The following SUFU variants were observed in gnomAD, a reference collection of about 807,000 sequenced individuals.
SUFU encodes the protein suppressor of fused homolog.
SUFU carries 7 observed loss-of-function variants against 58.9 expected under a neutral mutation model. That is an observed-to-expected ratio of 0.12 (90% confidence interval 0.07 to 0.22). The LOEUF (loss-of-function observed/expected upper bound fraction) is 0.22, where lower values mean the gene tolerates loss of function less well. Among genes scored for constraint, SUFU ranks in the 10% least tolerant of loss-of-function variants. The pLI, the probability that SUFU is intolerant of heterozygous loss-of-function variation, is 1.00. For synonymous variants in SUFU, 232 were observed against 254.8 expected, an observed-to-expected ratio of 0.91 and a Z score of 0.85; for missense variants, 451 against 641.3, an observed-to-expected ratio of 0.70 and a Z score of 3.20.
chr10:102,620,637 T>C (rs1206281911), intron 10 of SUFU, among the ~76,000 whole-genome samples: 1 of 152,196 alleles, frequency 6.6e-6, no homozygotes, highest in Non-Finnish European at 1.5e-5. Flanking sequence ...CTGTAAAGCT[T>C]ATCAGCCAAT....
intron 2 of SUFU, among the ~76,000 whole-genome samples, chr10:102,526,421 T>C (rs1344069943): frequency 6.6e-6 from 1 of 150,602 alleles, no homozygotes; most frequent in Non-Finnish European, 1.5e-5. Flanking sequence ...GGCATGGTGG[T>C]GCGTGCCTGT....
chr10:102,510,891 C>A (rs1326049348), intron 2 of SUFU, among the ~76,000 whole-genome samples: 5 of 151,928 alleles, frequency 3.3e-5, no homozygotes, highest in Non-Finnish European at 7.4e-5. Flanking sequence ...GAGGTCGAGG[C>A]AGGCGGATCA....
intron 3 of SUFU, among the ~76,000 whole-genome samples, chr10:102,574,313 AAGAC>A (rs1256176654): frequency 7.2e-5 from 11 of 152,248 alleles, no homozygotes; most frequent in South Asian, 2.1e-4. Flanking sequence ...TATATACACA[AAGAC>A]AGAAAAAACT....
At chr10:102,506,034 T>C (rs1258610490) in intron 1 of SUFU, among the ~76,000 whole-genome samples, 2 of 128,520 alleles carry the variant, frequency 1.6e-5, no homozygotes, top group Non-Finnish European at 3.2e-5. Context: ...CTAACTCTGT[T>C]ATTTGAAAAA....
At position 102,565,615 on chromosome 10, in the gene SUFU, G is replaced by T. The variant is rs1039842129; in HGVS notation, c.454+15509G>T. Among the ~76,000 whole-genome samples, 6 of 152,192 alleles carry T rather than the reference G, an allele frequency of 3.9e-5. No individual in the cohort carries two copies. The East Asian group carries it at 9.6e-4, about 24-fold the overall frequency. ...GCTGGAGTGCAGTGGCGCGATCTCG[G>T]CTCACTGCAAGCTCCGCCTTCCAGG... is the stretch of plus-strand genomic sequence containing the variant. On this transcript the variant is annotated intron_variant, in intron 3 of 11. Transcript: ENST00000369902.
Position 102,599,498 on chromosome 10 carries a change from C to T in SUFU, c.976C>T (p.Pro326Ser). Residue 326 changes from proline (P) to serine (S), a missense_variant, in exon 8 of 12, where the codon CCA becomes TCA. Physicochemically the swap from Pro to Ser is moderately conservative, Grantham distance 74. Coordinates refer to ENST00000369902, the MANE Select transcript of SUFU (RefSeq NM_016169.4). ...LEINSKPVLP[P>S]INPQRQNGLA... ...GATCAACAGCAAACCTGTCCTTCCACCAATCAACCCTCAGCGGCAGAATGG... is the reference window on the plus strand; with the variant it reads ...GATCAACAGCAAACCTGTCCTTCCATCAATCAACCCTCAGCGGCAGAATGG... 6.2e-7 allele frequency: 1 copy of T among 1,614,224 alleles called. No individual in the cohort carries two copies. The highest frequency in any genetic ancestry group is 8.5e-7 in the Non-Finnish European group (1 of 1,180,044).
chr10:102,569,118 C>T (rs1392518720), intron 3 of SUFU, among the ~76,000 whole-genome samples: 2 of 151,350 alleles, frequency 1.3e-5, no homozygotes, highest in Non-Finnish European at 2.9e-5. Flanking sequence ...CATATATGAA[C>T]ATCTTGGCAA....
At chr10:102,557,632 CAAAG>C (rs1038604123) in intron 3 of SUFU, among the ~76,000 whole-genome samples, 2 of 152,054 alleles carry the variant, frequency 1.3e-5, no homozygotes, top group Non-Finnish European at 2.9e-5. Flanking sequence ...AAACAAAAAA[CAAAG>C]AAAAACAATA....
intron 3 of SUFU, among the ~76,000 whole-genome samples, chr10:102,572,412 C>G (rs1279896622): frequency 1.6e-5 from 2 of 124,826 alleles, no homozygotes; most frequent in Admixed American, 9.7e-5. Context: ...TTTTTTGAGA[C>G]AGAGTCTCAC....
rs951194000 is a variant in SUFU at position 102,619,632 on chromosome 10, C to T, written c.1296+2204C>T. On this transcript the variant is annotated intron_variant, in intron 10 of 11. Transcript: ENST00000369902. This position sits in a 1 kb window ranked among gnomAD's most constrained non-coding sequence, Gnocchi z 4.2. ...GCCCTGGGAAACCCTCTGACCCTGC[C>T]CCCAGCCGGATTCTCAGCAGTGGAG... 6.6e-6 allele frequency among the ~76,000 whole-genome samples: 1 copy of T among 152,170 alleles called. No individual in the cohort carries two copies. Among genetic ancestry groups the T allele is most frequent in the Non-Finnish European group, 1.5e-5 (1 of 68,022 alleles).
Position 102,619,319 on chromosome 10 carries a change from C to T in SUFU, c.1296+1891C>T. 1 of 1,435,054 alleles carries T rather than the reference C, an allele frequency of 7.0e-7. No homozygotes were observed. Among genetic ancestry groups the T allele is most frequent in the Non-Finnish European group, 9.1e-7 (1 of 1,097,706 alleles). 88.9% of individuals were successfully genotyped at this position (1,435,054 alleles called of 1,614,324 possible). A position where few individuals can be genotyped will look rare whatever the true frequency, so the allele number is the denominator to read the frequency against. ...CCCCCTCACCTCCCTGGCAGCCCCT[C>T]AGCGAGCCTGAGGCCCAGCACCCGC... On this transcript the variant is annotated intron_variant, in intron 10 of 11. Coordinates refer to ENST00000369902, the MANE Select transcript of SUFU (RefSeq NM_016169.4). The surrounding 1 kb of genome is among the most constrained non-coding windows in gnomAD (Gnocchi z 4.2).
At chr10:102,531,041 C>CAGA (rs2062671670) in intron 2 of SUFU, among the ~76,000 whole-genome samples, 1 of 144,956 alleles carries the variant, frequency 6.9e-6, no homozygotes, top group Admixed American at 7.0e-5. Flanking sequence ...AGTTTGAGAC[C>CAGA]AGTCCAGGCA....
At chr10:102,569,857 C>T (rs2063142512) in intron 3 of SUFU, among the ~76,000 whole-genome samples, 1 of 152,112 alleles carries the variant, frequency 6.6e-6, no homozygotes, top group African/African-American at 2.4e-5. Context: ...CAAAACTGTC[C>T]ATCTATGAGG....
intron 10 of SUFU, among the ~76,000 whole-genome samples, chr10:102,623,727 G>A (rs909397866): frequency 6.6e-6 from 1 of 152,174 alleles, no homozygotes; most frequent in African/African-American, 2.4e-5. Context: ...ATCATTTGAG[G>A]TCAGGAGTTC....
intron 8 of SUFU, among the ~76,000 whole-genome samples, chr10:102,602,857 G>C (rs1423757207): frequency 6.6e-6 from 1 of 152,156 alleles, no homozygotes; most frequent in East Asian, 1.9e-4. Flanking sequence ...CATGAAATCT[G>C]TATCTGGCTT....
chr10:102,625,897 CTT>C lies in SUFU; in HGVS notation c.1297-1275_1297-1274del, dbSNP rs1420090630. ...TCCTTGTTATCTCACAGCGTGGAAACTTTTGTTCTTGGCAGCTGACAATTCCC... is the reference window on the plus strand; with the variant it reads ...TCCTTGTTATCTCACAGCGTGGAAACTTGTTCTTGGCAGCTGACAATTCCC... On this transcript the variant is annotated intron_variant, in intron 10 of 11. Coordinates refer to ENST00000369902, the MANE Select transcript of SUFU (RefSeq NM_016169.4). The surrounding 1 kb of genome is among the most constrained non-coding windows in gnomAD (Gnocchi z 4.7). 6.6e-6 allele frequency among the ~76,000 whole-genome samples: 1 copy of C among 152,168 alleles called. No homozygotes were observed. The highest frequency in any genetic ancestry group is 1.5e-5 in the Non-Finnish European group (1 of 68,024).
At chr10:102,573,706 T>C (rs1318252084) in intron 3 of SUFU, among the ~76,000 whole-genome samples, 3 of 152,232 alleles carry the variant, frequency 2.0e-5, no homozygotes, top group African/African-American at 7.2e-5. Context: ...GGAGACATTA[T>C]GGCAAGTGAA....
intron 2 of SUFU, among the ~76,000 whole-genome samples, chr10:102,516,611 G>A (rs1430395083): frequency 6.6e-6 from 1 of 151,946 alleles, no homozygotes. Context: ...GCAGTGGCAC[G>A]ATCTCGGCTC....
intron 3 of SUFU, among the ~76,000 whole-genome samples, chr10:102,592,146 G>C (rs1312866254): frequency 6.6e-6 from 1 of 152,162 alleles, no homozygotes; most frequent in Non-Finnish European, 1.5e-5. Context: ...AGGAATTTCG[G>C]TCTGTTTCTC....
Sources: allele counts gnomAD v4.1 joint callset (sites outside exome capture counted in the v4.1 genomes callset), GRCh38; gene constraint gnomAD v4.1.1; non-coding constraint Gnocchi (gnomAD v3.1); transcripts MANE v1.5; gene names NCBI Gene and HGNC (gene_info 2026-07-23, HGNC 2026-07-21).